The following PANK2 variants were observed in gnomAD, a reference collection of about 807,000 sequenced individuals.
PANK2 encodes pantothenate kinase 2.
Under a neutral mutation model 43.1 loss-of-function variants are expected in PANK2, and 36 were observed. The ratio of observed to expected loss-of-function variants is 0.84; its 90% CI spans 0.64 to 1.10. The LOEUF (loss-of-function observed/expected upper bound fraction) is 1.10, where lower values mean the gene tolerates loss of function less well. Among genes scored for constraint, PANK2 ranks in the 50% least tolerant of loss-of-function variants. The pLI is 0.00. For synonymous variants in PANK2, 281 were observed against 238.2 expected (o/e 1.18, Z -1.66); for missense variants, 576 against 593.3 (o/e 0.97, Z 0.30).
intron 2 of PANK2, among the ~76,000 whole-genome samples, chr20:3,909,442 G>T (rs1275903714): frequency 1.3e-5 from 2 of 152,122 alleles, no homozygotes; most frequent in African/African-American, 2.4e-5. Flanking sequence ...TGTTGTCCAG[G>T]CTGGTCTGGA....
intron 1 of PANK2, among the ~76,000 whole-genome samples, chr20:3,896,066 CTT>C (rs1397169940): frequency 6.3e-5 from 9 of 142,204 alleles, no homozygotes; most frequent in African/African-American, 5.1e-5. Context: ...CTGTGTGTTT[CTT>C]TTTTTTTTTT....
intron 1 of PANK2, among the ~76,000 whole-genome samples, chr20:3,891,675 A>G (rs1046101729): frequency 6.6e-6 from 1 of 152,204 alleles, no homozygotes; most frequent in Non-Finnish European, 1.5e-5. Context: ...AGTACTTCCA[A>G]ATATTGAGCA....
chr20:3,888,952 ACGC>A, upstream of PANK2: 4 of 558,468 alleles, frequency 7.2e-6, no homozygotes, highest in South Asian at 3.2e-5. Context: ...CAGCGGCCAG[ACGC>A]TGCGGGAGCA....
At chr20:3,895,529 T>C (rs1213294158) in intron 1 of PANK2, among the ~76,000 whole-genome samples, 8 of 124,434 alleles carry the variant, frequency 6.4e-5, no homozygotes, top group African/African-American at 2.1e-4. Context: ...TTTCAAAAAA[T>C]AGGAGGAGGA....
Position 3,899,703 on chromosome 20 carries a change from CTTTTT to C in PANK2, c.299-8205_299-8201del, listed in dbSNP as rs11469308. The stretch of plus-strand genomic sequence containing the variant: ...ATGGCTATTACATTCATCAGTTGTA[CTTTTT>C]TTTTTTTTTTTTTTTTTGAGATGGA... On this transcript the variant is annotated intron_variant, in intron 1 of 6. Coordinates refer to ENST00000610179, the MANE Select transcript of PANK2 (RefSeq NM_001386393.1). Among the ~76,000 whole-genome samples, 10 of 88,998 alleles carry C rather than the reference CTTTTT, an allele frequency of 1.1e-4. No individual in the cohort carries two copies. In the South Asian group the frequency reaches 2.9e-3, roughly 26 times the overall value. 58.4% of individuals were successfully genotyped at this position (88,998 alleles called of 152,430 possible). A position where few individuals can be genotyped will look rare whatever the true frequency, so the allele number is the denominator to read the frequency against.
upstream of PANK2, chr20:3,889,161 T>C (rs764119764): frequency 2.5e-6 from 4 of 1,598,284 alleles, no homozygotes; most frequent in Admixed American, 1.7e-5. Context: ...ATCACTCTCT[T>C]CTGGGCTACA....
At chr20:3,892,411 TATCTC>T (rs1286516355) in intron 1 of PANK2, among the ~76,000 whole-genome samples, 3 of 151,936 alleles carry the variant, frequency 2.0e-5, no homozygotes, top group African/African-American at 7.2e-5. Context: ...ACTTCAGTCT[TATCTC>T]TGAGAGAATT....
chr20:3,925,533 TCA>T lies in PANK2; in HGVS notation c.*2242_*2243del, dbSNP rs2146909704. On this transcript the variant is annotated 3_prime_UTR_variant, in exon 7 of 7. Transcript: ENST00000610179. ...ACAGGTGTGAGCCCCTGCGCCCGGCTCACAGCAGGGTTCTTGATAGGCCACCA... is the reference window on the plus strand; with the variant it reads ...ACAGGTGTGAGCCCCTGCGCCCGGCTCAGCAGGGTTCTTGATAGGCCACCA... 1 of 152,104 alleles carries T rather than the reference TCA, an allele frequency of 6.6e-6. No homozygotes were observed. Among genetic ancestry groups the T allele is most frequent in the East Asian group, 1.9e-4 (1 of 5,160 alleles). 9.4% of individuals were successfully genotyped at this position (152,104 alleles called of 1,614,324 possible). A position where few individuals can be genotyped will look rare whatever the true frequency, so the allele number is the denominator to read the frequency against.
chr20:3,920,097 T>C (rs1007454309), intron 6 of PANK2, among the ~76,000 whole-genome samples: 5 of 152,226 alleles, frequency 3.3e-5, no homozygotes, highest in African/African-American at 1.2e-4. Flanking sequence ...TGACTTATTT[T>C]ATTTTGCTTT....
intron 1 of PANK2, among the ~76,000 whole-genome samples, chr20:3,893,474 AT>A (rs1409505716): frequency 6.6e-6 from 1 of 152,192 alleles, no homozygotes. Flanking sequence ...GAGAACATAC[AT>A]TTTTATCAAG....
chr20:3,928,859 GTGTTT>G lies in PANK2; in HGVS notation c.*5567_*5571del, dbSNP rs1172689516. ...TGTAGGAAGCATTTTCTTTTCTTGT[GTGTTT>G]TTTTGAGACGGAGTCTCGCTCTGTT... On this transcript the variant is annotated 3_prime_UTR_variant, in exon 7 of 7. Coordinates refer to ENST00000610179, the MANE Select transcript of PANK2 (RefSeq NM_001386393.1). 2.0e-5 allele frequency: 3 copies of G among 149,650 alleles called. No individual in the cohort carries two copies. Among genetic ancestry groups the G allele is most frequent in the African/African-American group, 7.3e-5 (3 of 40,880 alleles). The allele number at this position is 149,650 out of a possible 1,614,324, so 9.3% of individuals were successfully genotyped here. A position where few individuals can be genotyped will look rare whatever the true frequency, so the allele number is the denominator to read the frequency against.
Position 3,926,321 on chromosome 20 carries a change from CG to C in PANK2, c.*3029del, listed in dbSNP as rs1568594590. The C allele has an allele frequency of 6.6e-6, 1 of 152,208 alleles. No homozygotes were observed. Among genetic ancestry groups the C allele is most frequent in the African/African-American group, 2.4e-5 (1 of 41,414 alleles). The allele number at this position is 152,208 out of a possible 1,614,324, so 9.4% of individuals were successfully genotyped here. ...AAAATAACCGAGAGTTGAGCAGTGACGGAGGAAGCTGCAAAGAAAACGACTG... is the reference window on the plus strand; with the variant it reads ...AAAATAACCGAGAGTTGAGCAGTGACGAGGAAGCTGCAAAGAAAACGACTG... On this transcript the variant is annotated 3_prime_UTR_variant, in exon 7 of 7. Coordinates refer to ENST00000610179, the MANE Select transcript of PANK2 (RefSeq NM_001386393.1).
Position 3,912,651 on chromosome 20 carries a change from GT to G in PANK2, c.1082+19del, listed in dbSNP as rs747605592. 1.9e-6 allele frequency: 3 copies of G among 1,612,654 alleles called. No individual in the cohort carries two copies. The highest frequency in any genetic ancestry group is 1.7e-5 in the Admixed American group (1 of 59,940). ...GGCTTCAAGGTAAGGGGGCATGTGT[GT>G]TCTAAGAAATACAGGCGGGCCGGGC... On this transcript the variant is annotated intron_variant, in intron 4 of 6. Transcript: ENST00000610179.
At position 3,889,455 on chromosome 20, in the gene PANK2, C is replaced by T. The variant is rs944348405; in HGVS notation, c.25C>T (p.Arg9Ter). 3.2e-6 allele frequency: 5 copies of T among 1,547,206 alleles called. No homozygotes were observed. The highest frequency in any genetic ancestry group is 4.3e-6 in the Non-Finnish European group (5 of 1,153,470). ...GCTGGGGGGCTTGCTCGGGCGGCAGCGACTGCTGCTGCGGATGGGAGGGGG... is the reference window on the plus strand; with the variant it reads ...GCTGGGGGGCTTGCTCGGGCGGCAGTGACTGCTGCTGCGGATGGGAGGGGG... Residue 9 changes from arginine to a stop codon, truncating the protein, a stop_gained, in exon 1 of 7, where the codon CGA (arginine) becomes TGA (stop). Coordinates refer to ENST00000610179, the MANE Select transcript of PANK2 (RefSeq NM_001386393.1). LOFTEE classifies it high-confidence loss of function.
intron 1 of PANK2, among the ~76,000 whole-genome samples, chr20:3,903,023 T>C (rs895509199): frequency 5.7e-5 from 8 of 139,794 alleles, no homozygotes; most frequent in Admixed American, 1.4e-4. Context: ...ACACACCCCT[T>C]TTACCCCCAA....
At chr20:3,918,427 C>T (rs1386103013) in intron 5 of PANK2, among the ~76,000 whole-genome samples, 1 of 151,518 alleles carries the variant, frequency 6.6e-6, no homozygotes, top group Non-Finnish European at 1.5e-5. Context: ...TATTGTTGGT[C>T]AGATTTAATA....
At position 3,929,034 on chromosome 20, in the gene PANK2, A is replaced by G. The variant is rs933831344; in HGVS notation, c.*5740A>G. 2 of 151,938 alleles carry G rather than the reference A, an allele frequency of 1.3e-5. No individual in the cohort carries two copies. Among genetic ancestry groups the G allele is most frequent in the African/African-American group, 2.4e-5 (1 of 41,332 alleles). 9.4% of individuals were successfully genotyped at this position (151,938 alleles called of 1,614,324 possible). A position where few individuals can be genotyped will look rare whatever the true frequency, so the allele number is the denominator to read the frequency against. On this transcript the variant is annotated 3_prime_UTR_variant, in exon 7 of 7. Transcript: ENST00000610179. ...CGGCAAATTTTTGTATTTTTAGTAG[A>G]GGGGGTTTCACCATATTGGTCAGGC...
At chr20:3,912,820 C>T (rs201977931) in intron 4 of PANK2, among the ~76,000 whole-genome samples, 186 bp downstream of exon 4, 8 of 150,710 alleles carry the variant, frequency 5.3e-5, no homozygotes, top group East Asian at 2.0e-4. Flanking sequence ...CATGGTGGTG[C>T]GCGCCTGTAG....
chr20:3,889,138 G>A, upstream of PANK2: 3 of 1,566,404 alleles, frequency 1.9e-6, no homozygotes, highest in Non-Finnish European at 2.6e-6. Context: ...CGCGTCCATT[G>A]GGCGGCGCCG....
Sources: allele counts gnomAD v4.1 joint callset (sites outside exome capture counted in the v4.1 genomes callset), GRCh38; gene constraint gnomAD v4.1.1; transcripts MANE v1.5; gene names NCBI Gene and HGNC (gene_info 2026-07-23, HGNC 2026-07-21).